The following VPS4B variants were observed in gnomAD, a reference collection of about 807,000 sequenced individuals.
VPS4B encodes the protein vacuolar protein sorting-associated protein 4B.
A neutral mutation model predicts 56.1 loss-of-function variants in VPS4B; 23 were observed. That is an observed-to-expected ratio of 0.41 (90% CI 0.30 to 0.58). VPS4B has a LOEUF of 0.58. Ranked by LOEUF, VPS4B falls within the 20% of genes least tolerant of loss-of-function variation. VPS4B has a pLI of 0.29. For synonymous variants in VPS4B, 177 were observed against 186.0 expected, an observed-to-expected ratio of 0.95 and a Z score of 0.39; for missense variants, 372 against 531.9, an observed-to-expected ratio of 0.70 and a Z score of 2.96.
intron 10 of VPS4B, 27 bp from the exon 11 acceptor site, chr18:63,391,103 G>A (rs1170025100): frequency 6.9e-7 from 1 of 1,442,996 alleles, no homozygotes; most frequent in Admixed American, 1.7e-5. Context: ...AGGGTAGGGA[G>A]GATATTAATA....
chr18:63,408,021 C>G (rs2144428242), intron 3 of VPS4B, among the ~76,000 whole-genome samples: 1 of 152,266 alleles, frequency 6.6e-6, no homozygotes, highest in East Asian at 1.9e-4. Flanking sequence ...GTAGGTCGAT[C>G]AAGGCATTTC....
chr18:63,398,581 T>C (rs945665405), intron 8 of VPS4B, among the ~76,000 whole-genome samples: 1 of 151,756 alleles, frequency 6.6e-6, no homozygotes, highest in Non-Finnish European at 1.5e-5. Flanking sequence ...CTCACATCTG[T>C]AATTCCAGCA....
chr18:63,404,557 T>C (rs1251273982), intron 4 of VPS4B: 1 of 152,198 alleles, frequency 6.6e-6, no homozygotes, highest in African/African-American at 2.4e-5. Context: ...CCAAAGCAAT[T>C]ATTGCAGTAA....
At chr18:63,415,466 C>T (rs1916141551) in intron 1 of VPS4B, 3 of 301,740 alleles carry the variant, frequency 9.9e-6, no homozygotes, top group South Asian at 7.3e-5. Context: ...TTCACTTCAG[C>T]CCCTGATGCT....
chr18:63,417,477 C>T (rs1356356732), intron 1 of VPS4B, among the ~76,000 whole-genome samples: 1 of 152,208 alleles, frequency 6.6e-6, no homozygotes, highest in African/African-American at 2.4e-5. Context: ...TGCTGGTTTT[C>T]CTCCCACCAT....
At chr18:63,403,235 A>G (rs1915851003) in intron 5 of VPS4B, among the ~76,000 whole-genome samples, 1 of 152,236 alleles carries the variant, frequency 6.6e-6, no homozygotes. Context: ...TGAAAGTCAA[A>G]AGTAAAAATC....
chr18:63,396,241 A>T (rs1386660664), intron 9 of VPS4B: 1 of 152,150 alleles, frequency 6.6e-6, no homozygotes, highest in Non-Finnish European at 1.5e-5. Context: ...AAAACACATT[A>T]GGATGATTAA....
At chr18:63,420,184 A>C (rs1306819454) in intron 1 of VPS4B, among the ~76,000 whole-genome samples, 1 of 152,200 alleles carries the variant, frequency 6.6e-6, no homozygotes, top group Non-Finnish European at 1.5e-5. Context: ...ACGGTGGCTC[A>C]CACCTGTAAC....
intron 9 of VPS4B, among the ~76,000 whole-genome samples, chr18:63,393,931 G>A (rs1915613800): frequency 6.6e-6 from 1 of 151,960 alleles, no homozygotes; most frequent in Non-Finnish European, 1.5e-5. Context: ...GAGAGACGGG[G>A]TTTCACCATG....
At chr18:63,397,938 C>T (rs368318707) in intron 8 of VPS4B, among the ~76,000 whole-genome samples, 4 of 152,242 alleles carry the variant, frequency 2.6e-5, no homozygotes, top group South Asian at 2.1e-4. Context: ...ATACCCTGCA[C>T]ATTTCCTTTC....
chr18:63,395,155 A>G (rs1915642049), intron 9 of VPS4B, among the ~76,000 whole-genome samples: 1 of 152,208 alleles, frequency 6.6e-6, no homozygotes, highest in South Asian at 2.1e-4. Flanking sequence ...ACTAACAAGG[A>G]CCTGGCTTCA....
At chr18:63,413,818 T>C (rs1916102275) in intron 1 of VPS4B, among the ~76,000 whole-genome samples, 1 of 152,212 alleles carries the variant, frequency 6.6e-6, no homozygotes, top group Non-Finnish European at 1.5e-5. Context: ...CTGAGATCTG[T>C]AAATGGGAGG....
At chr18:63,417,752 TC>T (rs1916202066) in intron 1 of VPS4B, among the ~76,000 whole-genome samples, 1 of 152,166 alleles carries the variant, frequency 6.6e-6, no homozygotes, top group African/African-American at 2.4e-5. Flanking sequence ...TGTCTTCACT[TC>T]TTTATATTCC....
chr18:63,393,432 GT>G lies in VPS4B; in HGVS notation c.1209del (p.Lys403AsnfsTer29). ...ACCATGGAAACAACTGGCTCCAAAA[GT>G]TTATCTCCAGGGACATCCATCCATG... ...EMTWMDVPGD[K>X]LLEPVVSMSD... On this transcript the variant is annotated frameshift_variant, in exon 10 of 11. Transcript: ENST00000238497. LOFTEE classifies it high-confidence loss of function. 1 of 1,603,780 alleles carries G rather than the reference GT, an allele frequency of 6.2e-7. No individual in the cohort carries two copies. Among genetic ancestry groups the G allele is most frequent in the African/African-American group, 1.3e-5 (1 of 74,574 alleles).
intron 5 of VPS4B, 83 bp from the exon 6 acceptor site, chr18:63,400,786 T>A: frequency 7.6e-7 from 1 of 1,324,238 alleles, no homozygotes; most frequent in Admixed American, 2.6e-5. Context: ...CTGGAAAGAT[T>A]TTCACTCTAA....
At chr18:63,418,370 T>C (rs139749481) in intron 1 of VPS4B, among the ~76,000 whole-genome samples, 56 of 152,002 alleles carry the variant, frequency 3.7e-4, no homozygotes, top group African/African-American at 1.2e-3. Flanking sequence ...CCTGACAGTG[T>C]CTCCTTGCCT....
intron 1 of VPS4B, 91 bp from the exon 2 acceptor site, chr18:63,411,669 T>TTA (rs2144432734): frequency 5.7e-6 from 5 of 881,374 alleles, no homozygotes; most frequent in Non-Finnish European, 6.2e-6. Flanking sequence ...TTTTTTTTTT[T>TTA]AAAGCTTCTC....
intron 1 of VPS4B, 145 bp downstream of exon 1, chr18:63,422,088 C>T (rs2144445782): frequency 1.1e-6 from 1 of 871,460 alleles, no homozygotes; most frequent in East Asian, 3.4e-5. Context: ...GGCCCCTCTC[C>T]CACCTGCTGC....
At chr18:63,393,348 C>T (rs1915597546) in intron 10 of VPS4B, 61 bp downstream of exon 10, 1 of 1,424,214 alleles carries the variant, frequency 7.0e-7, no homozygotes, top group Middle Eastern at 2.0e-4. Flanking sequence ...TCTTATATAA[C>T]TGAAAATTAT....
Sources: allele counts gnomAD v4.1 joint callset (sites outside exome capture counted in the v4.1 genomes callset), GRCh38; gene constraint gnomAD v4.1.1; transcripts MANE v1.5; gene names NCBI Gene and HGNC (gene_info 2026-07-23, HGNC 2026-07-21).